The following PAG1 variants were observed in gnomAD, a reference collection of about 807,000 sequenced individuals.
PAG1 encodes phosphoprotein associated with glycosphingolipid-enriched microdomains 1.
A neutral mutation model predicts 31.7 loss-of-function variants in PAG1; 23 were observed. The observed-to-expected ratio is 0.73, with a 90% CI of 0.52 to 1.03. The LOEUF (loss-of-function observed/expected upper bound fraction) is 1.03, where lower values mean the gene tolerates loss of function less well. Ranked by LOEUF, PAG1 falls within the 50% of genes least tolerant of loss-of-function variation. The probability of loss-of-function intolerance (pLI) is 0.00; values close to 1 mark genes in which losing one functional copy is unlikely to be tolerated. For missense variants in PAG1, 473 were observed against 540.7 expected (o/e 0.87, Z 1.24); for synonymous variants, 214 against 210.3 (o/e 1.02, Z -0.15).
chr8:80,980,917 A>G (rs1455346975), intron 7 of PAG1, among the ~76,000 whole-genome samples: 2 of 152,184 alleles, frequency 1.3e-5, no homozygotes, highest in Non-Finnish European at 2.9e-5. Flanking sequence ...GGAAACTTCA[A>G]AGCTAATGGA....
Position 80,998,837 on chromosome 8 carries a change from T to C in PAG1, c.-80-5530A>G, listed in dbSNP as rs114844640. On this transcript the variant is annotated intron_variant, in intron 3 of 8. Coordinates refer to ENST00000220597, the MANE Select transcript of PAG1 (RefSeq NM_018440.4). ...TTTTACAGCTGTTGCAGTTGACACA[T>C]AATTAAACATGATAGAAACCACCTC... Among the ~76,000 whole-genome samples, 865 of 152,270 alleles carry C rather than the reference T, an allele frequency of 5.7e-3. 8 individuals carry two copies. Among genetic ancestry groups the C allele is most frequent in the African/African-American group, 0.02 (813 of 41,550 alleles).
At position 80,969,289 on chromosome 8, in the gene PAG1, A is replaced by T. The variant is rs1318584796; in HGVS notation, c.*7255T>A. 1.3e-5 allele frequency: 2 copies of T among 152,228 alleles called. No individual in the cohort carries two copies. Among genetic ancestry groups the T allele is most frequent in the Non-Finnish European group, 2.9e-5 (2 of 68,036 alleles). The allele number at this position is 152,228 out of a possible 1,614,324, so 9.4% of individuals were successfully genotyped here. On this transcript the variant is annotated 3_prime_UTR_variant, in exon 9 of 9. Coordinates refer to ENST00000220597, the MANE Select transcript of PAG1 (RefSeq NM_018440.4). ...GGGTCATGAACACCACATCAGGTTC[A>T]TTTATGAGTCTTATATTAAAAATAC...
chr8:80,999,104 G>A (rs1381787409), intron 3 of PAG1, among the ~76,000 whole-genome samples: 1 of 152,166 alleles, frequency 6.6e-6, no homozygotes, highest in African/African-American at 2.4e-5. Context: ...GAATCCTCAA[G>A]CCCCAGAAAG....
At chr8:81,027,029 G>A (rs1311631928) in intron 3 of PAG1, among the ~76,000 whole-genome samples, 1 of 147,640 alleles carries the variant, frequency 6.8e-6, no homozygotes, top group Non-Finnish European at 1.5e-5. Flanking sequence ...TTTTTTTTTT[G>A]AGACAGGGTC....
At chr8:81,108,837 G>A (rs888209856) in intron 1 of PAG1, among the ~76,000 whole-genome samples, 1 of 152,216 alleles carries the variant, frequency 6.6e-6, no homozygotes, top group Non-Finnish European at 1.5e-5. Flanking sequence ...TTAATGGTAA[G>A]TATAAATTAT....
intron 3 of PAG1, among the ~76,000 whole-genome samples, chr8:81,001,142 G>T (rs770283100): frequency 1.3e-5 from 2 of 152,170 alleles, no homozygotes; most frequent in Non-Finnish European, 2.9e-5. Context: ...CTCAGGTGTG[G>T]CTGAGGCCCA....
chr8:81,040,711 G>A (rs1808540237), intron 2 of PAG1: 1 of 151,900 alleles, frequency 6.6e-6, no homozygotes. Context: ...GAACAAATTG[G>A]TATTATGTAT....
intron 4 of PAG1, among the ~76,000 whole-genome samples, chr8:80,992,347 C>T (rs995793630): frequency 3.3e-5 from 5 of 152,208 alleles, no homozygotes; most frequent in East Asian, 3.8e-4. Flanking sequence ...TTTTAAGTGA[C>T]GCTCCTGGAG....
At chr8:80,994,169 TC>T (rs1310893494) in intron 3 of PAG1, among the ~76,000 whole-genome samples, 5 of 152,140 alleles carry the variant, frequency 3.3e-5, no homozygotes, top group African/African-American at 4.8e-5. Flanking sequence ...CCCACTGTTG[TC>T]TGAGAAGGTT....
At chr8:81,037,685 G>T (rs551308623) in intron 2 of PAG1, among the ~76,000 whole-genome samples, 20 of 152,314 alleles carry the variant, frequency 1.3e-4, no homozygotes, top group African/African-American at 4.8e-4. Flanking sequence ...CTTATAAATT[G>T]ATAGTAAAAT....
At chr8:80,982,499 T>A (rs1353679973) in intron 7 of PAG1, among the ~76,000 whole-genome samples, 1 of 152,204 alleles carries the variant, frequency 6.6e-6, no homozygotes, top group Non-Finnish European at 1.5e-5. Context: ...AGGCTCTATT[T>A]ACACTCACCT....
intron 3 of PAG1, among the ~76,000 whole-genome samples, chr8:81,016,926 T>G (rs1808082286): frequency 6.6e-6 from 1 of 152,178 alleles, no homozygotes; most frequent in Non-Finnish European, 1.5e-5. Flanking sequence ...TGCTGATGAC[T>G]GAGAGGCCAA....
intron 8 of PAG1, among the ~76,000 whole-genome samples, chr8:80,980,205 T>C (rs1807270027): frequency 1.3e-5 from 2 of 152,236 alleles, no homozygotes; most frequent in African/African-American, 4.8e-5. Context: ...GCTTTCCTGC[T>C]CAGTTTCTTT....
intron 1 of PAG1, among the ~76,000 whole-genome samples, chr8:81,092,553 A>T (rs1284859302): frequency 6.6e-6 from 1 of 152,244 alleles, no homozygotes; most frequent in African/African-American, 2.4e-5. Context: ...TAACCATCAA[A>T]TGTTGATGTC....
At chr8:81,097,782 A>T (rs1168574367) in intron 1 of PAG1, among the ~76,000 whole-genome samples, 1 of 152,172 alleles carries the variant, frequency 6.6e-6, no homozygotes, top group Non-Finnish European at 1.5e-5. Context: ...TGTCTACAAA[A>T]GCATCCAGAA....
intron 7 of PAG1, among the ~76,000 whole-genome samples, chr8:80,982,656 G>T (rs567080396): frequency 6.6e-6 from 1 of 152,084 alleles, no homozygotes; most frequent in East Asian, 1.9e-4. Context: ...AAGTCCAATC[G>T]GTATCTCAAG....
chr8:80,997,955 G>A (rs780791688), intron 3 of PAG1, among the ~76,000 whole-genome samples: 1 of 152,080 alleles, frequency 6.6e-6, no homozygotes, highest in Non-Finnish European at 1.5e-5. Context: ...AAAGGTCAGT[G>A]CTTATGGTTA....
intron 1 of PAG1, among the ~76,000 whole-genome samples, chr8:81,073,562 A>G (rs1809127810): frequency 6.6e-6 from 1 of 152,216 alleles, no homozygotes; most frequent in Admixed American, 6.5e-5. Context: ...ATGTGTGGAT[A>G]TGCAGTTCTT....
intron 3 of PAG1, among the ~76,000 whole-genome samples, chr8:81,011,275 C>G (rs1450639503): frequency 6.6e-6 from 1 of 152,172 alleles, no homozygotes; most frequent in Non-Finnish European, 1.5e-5. Context: ...CCACATGTTA[C>G]GGGAGAGACC....
Sources: allele counts gnomAD v4.1 joint callset (sites outside exome capture counted in the v4.1 genomes callset), GRCh38; gene constraint gnomAD v4.1.1; transcripts MANE v1.5; gene names NCBI Gene and HGNC (gene_info 2026-07-23, HGNC 2026-07-21).